Variants in PDE4D observed in about 807,000 individuals in gnomAD.
The protein encoded by PDE4D is 3',5'-cyclic-AMP phosphodiesterase 4D.
PDE4D carries 24 observed loss-of-function variants against 87.4 expected under a neutral mutation model. The observed-to-expected ratio is 0.27, with a 90% CI of 0.20 to 0.39. PDE4D has a LOEUF of 0.39. PDE4D is among the 10% of genes least tolerant of loss of function. PDE4D has a pLI of 1.00. For synonymous variants in PDE4D, 384 were observed against 383.2 expected (o/e 1.00, Z -0.02); for missense variants, 714 against 1,041.0 (o/e 0.69, Z 4.32).
chr5:60,296,026 GA>G (rs1753351245), intron 1 of PDE4D, among the ~76,000 whole-genome samples: 8 of 152,272 alleles, frequency 5.3e-5, no homozygotes, highest in Admixed American at 2.6e-4. Context: ...TCACATGGTG[GA>G]AGAGTTAACG....
intron 1 of PDE4D, among the ~76,000 whole-genome samples, chr5:59,350,175 C>A: frequency 6.6e-6 from 1 of 152,162 alleles, no homozygotes; most frequent in Non-Finnish European, 1.5e-5. Context: ...TTCTCTTATT[C>A]AGAAACCTGT....
Position 59,386,884 on chromosome 5 carries a change from T to G in PDE4D, c.456-170916A>C, listed in dbSNP as rs111746760. On this transcript the variant is annotated intron_variant, in intron 1 of 14. Transcript: ENST00000340635. ...ATTGCTAAACACTTAAAAACCAGCATGACTGTACCAAGGAATAAAACATGT... is the reference window on the plus strand; with the variant it reads ...ATTGCTAAACACTTAAAAACCAGCAGGACTGTACCAAGGAATAAAACATGT... Among the ~76,000 whole-genome samples, 6 of 152,260 alleles carry G rather than the reference T, an allele frequency of 3.9e-5. No homozygotes were observed. The East Asian group carries it at 5.8e-4, about 15-fold the overall frequency.
chr5:59,467,902 A>G (rs535877094), intron 1 of PDE4D, among the ~76,000 whole-genome samples: 1 of 152,362 alleles, frequency 6.6e-6, no homozygotes, highest in South Asian at 2.1e-4. Flanking sequence ...CATATGTTAC[A>G]AAGCATTTAA....
rs150625860 is a variant in PDE4D, at chr5:59,569,297, A to G, written c.455+323871T>C. The stretch of plus-strand genomic sequence containing the variant: ...GTTAAAATTGCTAAACATATGACTC[A>G]TTTAAACAAAGGTTTACTAAAAGAC... On this transcript the variant is annotated intron_variant, in intron 1 of 14. Transcript: ENST00000340635. 2.2e-3 allele frequency among the ~76,000 whole-genome samples: 332 copies of G among 152,322 alleles called. 3 individuals are homozygous for G. Among genetic ancestry groups the G allele is most frequent in the Admixed American group, 3.7e-3 (56 of 15,296 alleles).
At chr5:60,227,655 G>A (rs1011586119) in intron 1 of PDE4D, among the ~76,000 whole-genome samples, 1 of 151,088 alleles carries the variant, frequency 6.6e-6, no homozygotes, top group Non-Finnish European at 1.5e-5. Context: ...AGGAACGAAG[G>A]AAAGAAGGAA....
At chr5:59,395,303 AC>A (rs1382517760) in intron 1 of PDE4D, among the ~76,000 whole-genome samples, 2 of 152,194 alleles carry the variant, frequency 1.3e-5, no homozygotes, top group Non-Finnish European at 2.9e-5. Flanking sequence ...AAACAAAAAG[AC>A]AGCAGTAACC....
intron 1 of PDE4D, among the ~76,000 whole-genome samples, chr5:59,552,518 G>T (rs1818289029): frequency 6.6e-6 from 1 of 151,900 alleles, no homozygotes; most frequent in Non-Finnish European, 1.5e-5. Flanking sequence ...ACGTCTTATT[G>T]CTTATAACTA....
chr5:59,879,185 C>A (rs1749078845), intron 1 of PDE4D, among the ~76,000 whole-genome samples: 1 of 152,130 alleles, frequency 6.6e-6, no homozygotes, highest in African/African-American at 2.4e-5. Context: ...CAGGCGTGAG[C>A]CACCGCGCCC....
At chr5:59,217,241 T>A (rs1751454909) in intron 1 of PDE4D, 1 of 455,894 alleles carries the variant, frequency 2.2e-6, no homozygotes, top group South Asian at 1.5e-5. Flanking sequence ...CCAGCAGGTG[T>A]GTGGTTTTAA....
intron 2 of PDE4D, among the ~76,000 whole-genome samples, chr5:60,051,874 G>A (rs985441936): frequency 8.6e-5 from 13 of 151,944 alleles, no homozygotes; most frequent in Non-Finnish European, 1.6e-4. Context: ...CACTGATCCC[G>A]CAGAAATACA....
At chr5:59,391,403 A>C (rs1351251264) in intron 1 of PDE4D, among the ~76,000 whole-genome samples, 3 of 152,190 alleles carry the variant, frequency 2.0e-5, no homozygotes, top group African/African-American at 4.8e-5. Context: ...AAAGAAAAGG[A>C]TTTTTTTAAA....
rs187192352 is a variant in PDE4D, at chr5:59,329,606, T to C, written c.456-113638A>G. 9.2e-5 allele frequency among the ~76,000 whole-genome samples: 14 copies of C among 152,312 alleles called. No individual in the cohort carries two copies. The East Asian group carries it at 2.7e-3, about 29-fold the overall frequency. On this transcript the variant is annotated intron_variant, in intron 1 of 14. Coordinates refer to ENST00000340635, the MANE Select transcript of PDE4D (RefSeq NM_001104631.2). ...ATTTGGATTATCACAATACTTTAGG[T>C]ATCAAAATTTATAAAACTGAGCATA...
intron 5 of PDE4D, among the ~76,000 whole-genome samples, chr5:59,050,832 G>C (rs1761440791): frequency 6.6e-6 from 1 of 152,236 alleles, no homozygotes; most frequent in Admixed American, 6.5e-5. Context: ...AAATGCATAA[G>C]AAATGTAAAG....
chr5:59,086,077 C>T (rs1767626154), intron 5 of PDE4D, among the ~76,000 whole-genome samples: 1 of 152,148 alleles, frequency 6.6e-6, no homozygotes. Context: ...CTATCACTGC[C>T]TCCACTTTAC....
At chr5:59,402,997 T>A (rs1345838540) in intron 1 of PDE4D, among the ~76,000 whole-genome samples, 1 of 152,206 alleles carries the variant, frequency 6.6e-6, no homozygotes, top group African/African-American at 2.4e-5. Flanking sequence ...TATGTTTTAT[T>A]TATGGAACAA....
intron 1 of PDE4D, among the ~76,000 whole-genome samples, chr5:60,415,441 CG>C (rs1313733173): frequency 6.6e-6 from 1 of 152,228 alleles, no homozygotes; most frequent in South Asian, 2.1e-4. Context: ...CCTCAGCTTG[CG>C]GGGAGGTGTG....
intron 1 of PDE4D, among the ~76,000 whole-genome samples, chr5:59,646,861 C>G (rs1742533614): frequency 6.6e-6 from 1 of 152,068 alleles, no homozygotes; most frequent in Non-Finnish European, 1.5e-5. Context: ...TGGTGAAACC[C>G]TGTCTCTACT....
chr5:59,373,925 C>T (rs1305879147), intron 1 of PDE4D, among the ~76,000 whole-genome samples: 1 of 152,146 alleles, frequency 6.6e-6, no homozygotes, highest in Non-Finnish European at 1.5e-5. Context: ...TCTGGCCAAA[C>T]TAAGCATCAT....
intron 6 of PDE4D, among the ~76,000 whole-genome samples, chr5:59,011,746 G>C (rs1230875709): frequency 6.6e-6 from 1 of 152,176 alleles, no homozygotes; most frequent in Non-Finnish European, 1.5e-5. Context: ...TATTATCCAG[G>C]AGAAATTCCC....
Sources: gnomAD v4.1 joint callset for allele counts (sites outside exome capture counted in the v4.1 genomes callset) on GRCh38, gnomAD v4.1.1 for gene constraint, MANE v1.5 for transcripts, NCBI Gene and HGNC (gene_info 2026-07-23, HGNC 2026-07-21) for gene names.